CCAR1: variants seen among roughly 807,000 people sequenced by gnomAD.
CCAR1 encodes the protein cell division cycle and apoptosis regulator 1, also known as cell division cycle and apoptosis regulator protein 1.
CCAR1 carries 78 observed loss-of-function variants against 163.8 expected under a neutral mutation model. The observed-to-expected ratio is 0.48, with a 90% CI of 0.40 to 0.57. CCAR1 has a LOEUF of 0.57. CCAR1 is among the 20% of genes least tolerant of loss of function. The pLI is 0.00. For synonymous variants in CCAR1, 443 were observed against 460.7 expected (o/e 0.96, Z 0.49); for missense variants, 1,019 against 1,365.2 (o/e 0.75, Z 4.00).
chr10:68,761,300 AT>A, intron 16 of CCAR1, 108 bp downstream of exon 16: 1 of 441,410 alleles, frequency 2.3e-6, no homozygotes, highest in Non-Finnish European at 3.7e-6. Flanking sequence ...TATTTATTTA[AT>A]TTAATTAATT....
In CCAR1 at chr10:68,749,561, A is replaced by G; in HGVS notation, c.994A>G (p.Arg332Gly). 6.2e-7 allele frequency: 1 copy of G among 1,613,928 alleles called. No homozygotes were observed. ...GAGAGAAAGACGTAGATCGAGAGAA[A>G]GATCACCTCAGAGGAAACGTTCCCG... ...RERERRRSRE[R>G]SPQRKRSRER... is the part of the protein sequence containing the mutation. Residue 332 changes from arginine (R) to glycine (G), a missense_variant, in exon 10 of 25, where the codon AGA becomes GGA. Physicochemically the swap from Arg to Gly is moderately radical, Grantham distance 125. Coordinates refer to ENST00000265872, the MANE Select transcript of CCAR1 (RefSeq NM_018237.4).
chr10:68,789,357 C>T (rs868275694), intron 23 of CCAR1, among the ~76,000 whole-genome samples: 17 of 151,736 alleles, frequency 1.1e-4, no homozygotes, highest in Middle Eastern at 3.4e-3. Context: ...TTTGGGAGGC[C>T]GAGGCAGGCA....
intron 19 of CCAR1, among the ~76,000 whole-genome samples, chr10:68,779,826 A>G (rs2056713930): frequency 1.3e-5 from 2 of 152,248 alleles, no homozygotes; most frequent in Non-Finnish European, 2.9e-5. Flanking sequence ...TTGGTAATAT[A>G]GTCATGCAGT....
intron 8 of CCAR1, among the ~76,000 whole-genome samples, chr10:68,748,255 T>C (rs2056283855): frequency 1.3e-5 from 2 of 151,862 alleles, no homozygotes. Context: ...CAAAAAAAAC[T>C]GGGTCGTGGT....
At chr10:68,747,721 A>G (rs1318622096) in intron 8 of CCAR1, among the ~76,000 whole-genome samples, 155 bp downstream of exon 8, 1 of 151,614 alleles carries the variant, frequency 6.6e-6, no homozygotes, top group Non-Finnish European at 1.5e-5. Context: ...ATGTGGAAGT[A>G]TTTTTTTTTC....
intron 19 of CCAR1, 36 bp from the exon 20 acceptor site, chr10:68,786,100 A>T: frequency 7.1e-7 from 1 of 1,399,506 alleles, no homozygotes; most frequent in Non-Finnish European, 1.0e-6. Flanking sequence ...TATGTGTATT[A>T]ATGACTTTTT....
chr10:68,781,723 C>T (rs901183715), intron 19 of CCAR1, among the ~76,000 whole-genome samples: 2 of 151,842 alleles, frequency 1.3e-5, no homozygotes, highest in African/African-American at 2.4e-5. Context: ...GGTTACATGC[C>T]CCTGTGGTCC....
chr10:68,733,162 C>T (rs1210182769), intron 2 of CCAR1, among the ~76,000 whole-genome samples: 1 of 152,112 alleles, frequency 6.6e-6, no homozygotes, highest in East Asian at 1.9e-4. Context: ...ATAATCCCAG[C>T]ACTTTGGGAG....
intron 19 of CCAR1, among the ~76,000 whole-genome samples, chr10:68,783,326 A>G (rs2056758261): frequency 6.6e-6 from 1 of 151,854 alleles, no homozygotes; most frequent in African/African-American, 2.4e-5. Context: ...AGTAGCCACC[A>G]CCACGCCTGG....
intron 2 of CCAR1, among the ~76,000 whole-genome samples, chr10:68,728,770 C>G (rs1452750743): frequency 6.6e-6 from 1 of 152,074 alleles, no homozygotes; most frequent in Admixed American, 6.6e-5. Context: ...ACCCACCTAA[C>G]CTGGTGAAAC....
chr10:68,743,039 T>C (rs2056202996), intron 6 of CCAR1, among the ~76,000 whole-genome samples: 1 of 151,950 alleles, frequency 6.6e-6, no homozygotes, highest in African/African-American at 2.4e-5. Context: ...TTCAAGTGAT[T>C]CTCCTGCCTC....
At chr10:68,722,147 A>G (rs1564524563) in intron 1 of CCAR1, among the ~76,000 whole-genome samples, 1 of 152,168 alleles carries the variant, frequency 6.6e-6, no homozygotes. Flanking sequence ...TTTGTTAACA[A>G]TTGGGTGGAT....
chr10:68,763,219 C>T (rs897241254), intron 16 of CCAR1, among the ~76,000 whole-genome samples: 15 of 152,028 alleles, frequency 9.9e-5, no homozygotes, highest in East Asian at 5.8e-4. Context: ...GGTGCGATCT[C>T]GGCTCACTGC....
chr10:68,735,371 C>CTTTT (rs34103994), intron 2 of CCAR1, among the ~76,000 whole-genome samples: 42 of 115,378 alleles, frequency 3.6e-4, no homozygotes, highest in African/African-American at 1.1e-3. Context: ...CGTTTTTGTG[C>CTTTT]TTTTTTTTTT....
In CCAR1 at chr10:68,761,150, AGAGGAT is replaced by A; in HGVS notation, c.2073_2078del (p.Glu691_Asp692del). 1 of 1,609,770 alleles carries A rather than the reference AGAGGAT, an allele frequency of 6.2e-7. No individual in the cohort carries two copies. The highest frequency in any genetic ancestry group is 8.5e-7 in the Non-Finnish European group (1 of 1,178,510). ...AGGAGTTAGAGAAATCTGAAAAAGA[AGAGGAT>A]GAGGATGATGATAGGAAATCTGAAG... is the stretch of plus-strand genomic sequence containing the variant. On this transcript the variant is annotated inframe_deletion, in exon 16 of 25. Coordinates refer to ENST00000265872, the MANE Select transcript of CCAR1 (RefSeq NM_018237.4).
chr10:68,772,504 G>A (rs1663336392), intron 18 of CCAR1, among the ~76,000 whole-genome samples: 1 of 150,136 alleles, frequency 6.7e-6, no homozygotes, highest in South Asian at 2.1e-4. Flanking sequence ...AAAAAAAAAA[G>A]TAATTTGCAA....
intron 2 of CCAR1, among the ~76,000 whole-genome samples, chr10:68,727,961 C>T (rs1224695469): frequency 6.6e-6 from 1 of 152,130 alleles, no homozygotes. Context: ...GCCTCAGCCT[C>T]CTGAATATCT....
chr10:68,767,072 G>A (rs905728061), intron 17 of CCAR1, among the ~76,000 whole-genome samples: 98 of 152,040 alleles, frequency 6.4e-4, no homozygotes, highest in African/African-American at 2.1e-3. Flanking sequence ...TAAGTAGTGT[G>A]GTATGTTCTT....
intron 2 of CCAR1, among the ~76,000 whole-genome samples, chr10:68,723,693 A>T (rs944150756): frequency 1.3e-5 from 2 of 151,110 alleles, no homozygotes; most frequent in African/African-American, 4.9e-5. Context: ...CTAAAAATAC[A>T]AAAAATTAGT....
Sources: allele counts gnomAD v4.1 joint callset (sites outside exome capture counted in the v4.1 genomes callset), GRCh38; gene constraint gnomAD v4.1.1; transcripts MANE v1.5; gene names NCBI Gene and HGNC (gene_info 2026-07-23, HGNC 2026-07-21).